TMEM132D: variants seen among roughly 807,000 people sequenced by gnomAD.
TMEM132D encodes transmembrane protein 132D, also known as mature OL transmembrane protein.
A neutral mutation model predicts 62.3 loss-of-function variants in TMEM132D; 21 were observed. The ratio of observed to expected loss-of-function variants is 0.34; its 90% CI spans 0.24 to 0.49. The LOEUF is 0.49. TMEM132D is among the 20% of genes least tolerant of loss of function. The pLI is 0.99. For synonymous variants in TMEM132D, 621 were observed against 575.6 expected (o/e 1.08, Z -1.13); for missense variants, 1,346 against 1,402.8 (o/e 0.96, Z 0.65).
chr12:129,114,992 C>A (rs746318875), intron 5 of TMEM132D, among the ~76,000 whole-genome samples: 41 of 152,226 alleles, frequency 2.7e-4, no homozygotes, highest in Non-Finnish European at 5.0e-4. Flanking sequence ...CCATCCTGTA[C>A]GTATTTTTTG....
chr12:129,291,958 G>A (rs1471532879), intron 4 of TMEM132D, among the ~76,000 whole-genome samples: 2 of 152,106 alleles, frequency 1.3e-5, no homozygotes, highest in Admixed American at 1.3e-4. Context: ...AGGGGGATGG[G>A]GGGAGTAAAA....
chr12:129,141,509 G>A (rs1266753265), intron 5 of TMEM132D, among the ~76,000 whole-genome samples: 1 of 152,168 alleles, frequency 6.6e-6, no homozygotes, highest in East Asian at 1.9e-4. Flanking sequence ...GCTTTATTTA[G>A]ATTTGGTGGT....
Position 129,827,200 on chromosome 12 carries a change from C to G in TMEM132D, c.79+76061G>C, listed in dbSNP as rs542973508. On this transcript the variant is annotated intron_variant, in intron 1 of 8. Coordinates refer to ENST00000422113, the MANE Select transcript of TMEM132D (RefSeq NM_133448.3). The surrounding 1 kb of genome is among the most constrained non-coding windows in gnomAD (Gnocchi z 9.7). Reference sequence around the variant, plus strand: ...CTGCTAAGCTCTCCCCAGGCTTGACCTTTTAAATTCTTAAGGCTGTCTTAT... The same window carrying G: ...CTGCTAAGCTCTCCCCAGGCTTGACGTTTTAAATTCTTAAGGCTGTCTTAT... 6.6e-6 allele frequency among the ~76,000 whole-genome samples: 1 copy of G among 152,292 alleles called. No individual in the cohort carries two copies. Among genetic ancestry groups the G allele is most frequent in the African/African-American group, 2.4e-5 (1 of 41,554 alleles).
At chr12:129,107,473 G>A (rs577138749) in intron 5 of TMEM132D, among the ~76,000 whole-genome samples, 41 of 152,204 alleles carry the variant, frequency 2.7e-4, no homozygotes, top group Non-Finnish European at 5.6e-4. Context: ...CATTGTAAAT[G>A]ATGCAGATTG....
intron 5 of TMEM132D, among the ~76,000 whole-genome samples, chr12:129,149,855 C>T (rs1274445754): frequency 6.6e-6 from 1 of 152,182 alleles, no homozygotes; most frequent in African/African-American, 2.4e-5. Context: ...TGAGACCAAG[C>T]TCCTGTGTGT....
chr12:129,397,052 A>G (rs1279988737), intron 3 of TMEM132D, among the ~76,000 whole-genome samples: 2 of 152,174 alleles, frequency 1.3e-5, no homozygotes, highest in African/African-American at 2.4e-5. Flanking sequence ...AATATCTCAT[A>G]TCTTCTCCTA....
intron 1 of TMEM132D, among the ~76,000 whole-genome samples, chr12:129,755,330 C>T (rs1870130945): frequency 6.6e-6 from 1 of 152,208 alleles, no homozygotes; most frequent in South Asian, 2.1e-4. Flanking sequence ...TGCATAAAAT[C>T]TTTAACACAT....
chr12:129,455,297 G>A (rs1566074318), intron 3 of TMEM132D, among the ~76,000 whole-genome samples: 1 of 152,212 alleles, frequency 6.6e-6, no homozygotes, highest in Non-Finnish European at 1.5e-5. Context: ...GGTCCATCAT[G>A]TACAGGCTTT....
intron 3 of TMEM132D, among the ~76,000 whole-genome samples, chr12:129,376,494 C>T (rs1870784292): frequency 6.6e-6 from 1 of 152,156 alleles, no homozygotes; most frequent in South Asian, 2.1e-4. Flanking sequence ...CAACCAGGTA[C>T]CTCTCACGAC....
intron 1 of TMEM132D, among the ~76,000 whole-genome samples, chr12:129,838,101 G>C (rs755140806): frequency 6.6e-6 from 1 of 152,108 alleles, no homozygotes; most frequent in Non-Finnish European, 1.5e-5. Context: ...TGCTTTTCAG[G>C]AGCAGTTGCT....
At chr12:129,539,294 C>T (rs1453308811) in intron 2 of TMEM132D, among the ~76,000 whole-genome samples, 3 of 151,200 alleles carry the variant, frequency 2.0e-5, no homozygotes, top group Admixed American at 6.6e-5. Flanking sequence ...TGCAGTGGCA[C>T]GACCTCGGCT....
chr12:129,477,549 C>G (rs1194142404), intron 3 of TMEM132D, among the ~76,000 whole-genome samples: 1 of 152,096 alleles, frequency 6.6e-6, no homozygotes, highest in Non-Finnish European at 1.5e-5. Flanking sequence ...GACTGGGTGC[C>G]GTGGCTCACA....
intron 2 of TMEM132D, among the ~76,000 whole-genome samples, chr12:129,668,782 C>A (rs1880436126): frequency 1.3e-5 from 2 of 152,268 alleles, no homozygotes; most frequent in African/African-American, 4.8e-5. Context: ...TCTTTTGTAA[C>A]AGGGCACAAT....
chr12:129,476,796 G>A (rs1402439095), intron 3 of TMEM132D, among the ~76,000 whole-genome samples: 1 of 152,186 alleles, frequency 6.6e-6, no homozygotes, highest in East Asian at 1.9e-4. Flanking sequence ...ATTAGGCAAA[G>A]TAAGCAAAGC....
chr12:129,105,512 G>A (rs1464940618), intron 5 of TMEM132D, among the ~76,000 whole-genome samples: 4 of 144,478 alleles, frequency 2.8e-5, no homozygotes, highest in African/African-American at 5.4e-5. Flanking sequence ...CCTGCACAAT[G>A]TGCACATGTA....
intron 2 of TMEM132D, among the ~76,000 whole-genome samples, chr12:129,552,620 A>T (rs1006072668): frequency 6.8e-6 from 1 of 147,102 alleles, no homozygotes; most frequent in Non-Finnish European, 1.5e-5. Context: ...ATCATCTATT[A>T]TTTATCTGTC....
intron 1 of TMEM132D, among the ~76,000 whole-genome samples, chr12:129,778,336 G>A (rs1871013650): frequency 6.6e-6 from 1 of 151,952 alleles, no homozygotes; most frequent in African/African-American, 2.4e-5. Context: ...CACACCTGAT[G>A]CTCCAACAAC....
Position 129,183,766 on chromosome 12 carries a change from G to A in TMEM132D, c.1443+25754C>T, listed in dbSNP as rs184456609. 1.6e-3 allele frequency among the ~76,000 whole-genome samples: 242 copies of A among 151,862 alleles called. 1 individual carries two copies. The highest frequency in any genetic ancestry group is 3.0e-3 in the African/African-American group (124 of 41,384). ...TGGCTGTCCCCTTGGGTAGGGACAC[G>A]GATGATTCTTTGGAGCTGGGTAGTG... is the stretch of plus-strand genomic sequence containing the variant. On this transcript the variant is annotated intron_variant, in intron 5 of 8. Coordinates refer to ENST00000422113, the MANE Select transcript of TMEM132D (RefSeq NM_133448.3).
chr12:129,898,811 C>A (rs1875235193), intron 1 of TMEM132D, among the ~76,000 whole-genome samples: 1 of 152,204 alleles, frequency 6.6e-6, no homozygotes, highest in Non-Finnish European at 1.5e-5. Context: ...CTGTGCCCAG[C>A]ACGGTATGGG....
Sources: allele counts gnomAD v4.1 joint callset (sites outside exome capture counted in the v4.1 genomes callset), GRCh38; gene constraint gnomAD v4.1.1; non-coding constraint Gnocchi (gnomAD v3.1); transcripts MANE v1.5; gene names NCBI Gene and HGNC (gene_info 2026-07-23, HGNC 2026-07-21).